Variants in SIPA1L3 observed in about 807,000 individuals in gnomAD.
SIPA1L3 encodes signal-induced proliferation-associated 1-like protein 3.
In SIPA1L3, 59 loss-of-function variants were observed where a neutral mutation model predicts 150.1. The observed-to-expected ratio is 0.39, with a 90% CI of 0.32 to 0.49. The LOEUF is 0.49. Ranked by LOEUF, SIPA1L3 falls within the 20% of genes least tolerant of loss-of-function variation. The pLI, the probability that SIPA1L3 is intolerant of heterozygous loss-of-function variation, is 0.86. For missense variants in SIPA1L3, 2,211 were observed against 2,489.5 expected (o/e 0.89, Z 2.38); for synonymous variants, 1,070 against 1,077.6 (o/e 0.99, Z 0.14).
chr19:38,136,570 C>T (rs1971441733), intron 10 of SIPA1L3, among the ~76,000 whole-genome samples: 1 of 152,166 alleles, frequency 6.6e-6, no homozygotes, highest in Non-Finnish European at 1.5e-5. Context: ...CGTCACTACA[C>T]ACCAACAAGG....
At chr19:38,194,919 C>T (rs1334762991) in intron 18 of SIPA1L3, among the ~76,000 whole-genome samples, 3 of 152,128 alleles carry the variant, frequency 2.0e-5, no homozygotes, top group Non-Finnish European at 4.4e-5. Context: ...GGCATGGTGG[C>T]AGGTGCCTGT....
chr19:38,082,102 T>G lies in SIPA1L3; in HGVS notation c.537T>G (p.Cys179Trp), dbSNP rs756058039. The change falls in exon 3 of 22, where the codon TGT becomes TGG. Residue 179 changes from cysteine to tryptophan, a missense_variant. By Grantham distance (215) the Cys-to-Trp change is radical. Coordinates refer to ENST00000222345, the MANE Select transcript of SIPA1L3 (RefSeq NM_015073.3). Reference protein sequence around the residue: ...RSSSEITLSECDAEDAGEPRG... With the variant: ...RSSSEITLSEWDAEDAGEPRG... ...GCAGCGAGATCACCCTCAGCGAGTGTGACGCGGAGGACGCGGGGGAGCCGC... is the reference window on the plus strand; with the variant it reads ...GCAGCGAGATCACCCTCAGCGAGTGGGACGCGGAGGACGCGGGGGAGCCGC... 4.3e-6 allele frequency: 7 copies of G among 1,609,688 alleles called. No homozygotes were observed. Among genetic ancestry groups the G allele is most frequent in the Non-Finnish European group, 5.9e-6 (7 of 1,179,354 alleles).
intron 13 of SIPA1L3, among the ~76,000 whole-genome samples, chr19:38,156,750 G>T (rs189391254): frequency 1.3e-5 from 2 of 152,168 alleles, no homozygotes; most frequent in East Asian, 1.9e-4. Flanking sequence ...GCTTGAACCC[G>T]GGAGACAGAG....
At chr19:38,015,522 G>A (rs1968210976) in intron 1 of SIPA1L3, among the ~76,000 whole-genome samples, 2 of 151,948 alleles carry the variant, frequency 1.3e-5, no homozygotes, top group African/African-American at 4.8e-5. Context: ...CCAGGAGTTT[G>A]AGACCAGCCT....
intron 1 of SIPA1L3, among the ~76,000 whole-genome samples, chr19:38,001,998 A>G (rs1967817653): frequency 6.6e-6 from 1 of 152,236 alleles, no homozygotes. Flanking sequence ...TTAGTAACCT[A>G]GAAGTCAAGT....
intron 1 of SIPA1L3, among the ~76,000 whole-genome samples, chr19:37,923,761 T>C (rs187922596): frequency 4.7e-4 from 71 of 152,224 alleles, no homozygotes; most frequent in Non-Finnish European, 7.9e-4. Context: ...TTTGGGTTTT[T>C]TTTTTTTCTT....
rs374356291 is a variant in SIPA1L3, at chr19:38,164,497, A to G, written c.3799A>G (p.Ser1267Gly). 6.2e-6 allele frequency: 10 copies of G among 1,611,802 alleles called. No homozygotes were observed. Among genetic ancestry groups the G allele is most frequent in the Non-Finnish European group, 8.5e-6 (10 of 1,178,426 alleles). ...CTCTCAGGGAGAACCTCAATACTCA[A>G]GTCATTCCAGCAGCAACACCCTCTC... The part of the protein sequence containing the change: ...RHSKGEPQYS[S>G]HSSSNTLSSN... Residue 1267 changes from serine (S) to glycine (G), a missense_variant, in exon 15 of 22, where the codon AGT becomes GGT. Physicochemically the swap from Ser to Gly is moderately conservative, Grantham distance 56. Transcript: ENST00000222345. This position sits in a 1 kb window ranked among gnomAD's most constrained non-coding sequence, Gnocchi z 4.1.
intron 15 of SIPA1L3, among the ~76,000 whole-genome samples, chr19:38,180,613 G>A (rs1466400645): frequency 3.5e-5 from 5 of 143,640 alleles, no homozygotes; most frequent in Non-Finnish European, 4.6e-5. Context: ...GCGTGATCTC[G>A]GCTCACCGCG....
Position 38,206,102 on chromosome 19 carries a change from G to A in SIPA1L3, c.5208G>A (p.Lys1736=), listed in dbSNP as rs754033306. ...CAGCTTCCCACCCTGTGCAGGAGAA[G>A]CAGGACAAGGTGGTGCTCCAGTCAG... ...KQLHTDLQKE[K]QDKVVLQSEV... is the part of the protein sequence containing the mutation. The change falls in exon 22 of 22, where the codon AAG becomes AAA. Residue 1736 remains lysine, a synonymous_variant. Coordinates refer to ENST00000222345, the MANE Select transcript of SIPA1L3 (RefSeq NM_015073.3). The A allele has an allele frequency of 2.6e-6, 4 of 1,545,428 alleles. No homozygotes were observed. Among genetic ancestry groups the A allele is most frequent in the Non-Finnish European group, 3.5e-6 (4 of 1,143,364 alleles).
chr19:38,151,962 A>AG (rs1491273812), intron 12 of SIPA1L3, among the ~76,000 whole-genome samples: 1 of 8,700 alleles, frequency 1.1e-4, no homozygotes, highest in Non-Finnish European at 1.1e-3. Flanking sequence ...ACCCCATCTC[A>AG]AAAAAAAAAA....
chr19:38,139,207 A>G (rs1971514022), intron 10 of SIPA1L3, among the ~76,000 whole-genome samples: 1 of 152,048 alleles, frequency 6.6e-6, no homozygotes. Flanking sequence ...AAAAAAACAA[A>G]CAACTGATGC....
chr19:38,194,713 A>G (rs951203337), intron 18 of SIPA1L3, among the ~76,000 whole-genome samples: 5 of 151,916 alleles, frequency 3.3e-5, no homozygotes, highest in African/African-American at 1.2e-4. Flanking sequence ...GGGGTGGAGG[A>G]GACTCTGGGA....
chr19:38,040,367 T>G (rs1599941922), intron 2 of SIPA1L3, among the ~76,000 whole-genome samples: 2 of 19,914 alleles, frequency 1.0e-4, no homozygotes, highest in East Asian at 2.3e-3. Flanking sequence ...CATTAGACAG[T>G]TTTTTTTTTT....
At position 38,182,756 on chromosome 19, in the gene SIPA1L3, T is replaced by G; in HGVS notation, c.4430+16T>G. 2 of 1,577,566 alleles carry G rather than the reference T, an allele frequency of 1.3e-6. No individual in the cohort carries two copies. The highest frequency in any genetic ancestry group is 1.8e-5 in the Admixed American group (1 of 56,394). On this transcript the variant is annotated intron_variant, in intron 16 of 21. Transcript: ENST00000222345. ...ACCCAAAGAAGTAAGTGCCTGGACG[T>G]CCAGCGAGGCGCCCGCCAGATCCAC...
rs34881450 is a variant in SIPA1L3, at chr19:37,937,741, CAAAAA to C, written c.-379+30402_-379+30406del. On this transcript the variant is annotated intron_variant, in intron 1 of 21. Transcript: ENST00000222345. ...AGGGCGACAGAGTGAAACCCTGTCT[CAAAAA>C]AAAAAAAAAAAAAAAAAAGACCAGG... Among the ~76,000 whole-genome samples, 28 of 18,676 alleles carry C rather than the reference CAAAAA, an allele frequency of 1.5e-3. 2 individuals are homozygous for C. Among genetic ancestry groups the C allele is most frequent in the Admixed American group, 8.9e-3 (12 of 1,352 alleles). The allele number at this position is 18,676 out of a possible 152,430, so 12.3% of individuals were successfully genotyped here.
intron 1 of SIPA1L3, among the ~76,000 whole-genome samples, chr19:37,960,130 G>A (rs192384060): frequency 9.2e-5 from 14 of 151,998 alleles, no homozygotes; most frequent in Admixed American, 5.2e-4. Flanking sequence ...CTTTCTTATT[G>A]TAAATTGGAG....
chr19:37,991,335 C>T (rs532879227), intron 1 of SIPA1L3, among the ~76,000 whole-genome samples: 2 of 152,380 alleles, frequency 1.3e-5, no homozygotes, highest in African/African-American at 4.8e-5. Context: ...ATTCCATGCT[C>T]TTAAGCGCTC....
At chr19:37,934,813 T>C (rs896616694) in intron 1 of SIPA1L3, among the ~76,000 whole-genome samples, 1 of 152,208 alleles carries the variant, frequency 6.6e-6, no homozygotes, top group African/African-American at 2.4e-5. Context: ...TCTTGCATTT[T>C]GCTCTTCTCA....
intron 7 of SIPA1L3, among the ~76,000 whole-genome samples, chr19:38,108,056 CCTAG>C (rs1970660414): frequency 6.6e-6 from 1 of 152,054 alleles, no homozygotes; most frequent in South Asian, 2.1e-4. Flanking sequence ...TTGGCTACTT[CCTAG>C]CTGTGTGATC....
Sources: allele counts gnomAD v4.1 joint callset (sites outside exome capture counted in the v4.1 genomes callset), GRCh38; gene constraint gnomAD v4.1.1; non-coding constraint Gnocchi (gnomAD v3.1); transcripts MANE v1.5; gene names NCBI Gene and HGNC (gene_info 2026-07-23, HGNC 2026-07-21).